The following ELN variants were observed in gnomAD, a reference collection of about 807,000 sequenced individuals.
ELN encodes the protein elastin, also known as tropoelastin.
A neutral mutation model predicts 105.8 loss-of-function variants in ELN; 65 were observed. The ratio of observed to expected loss-of-function variants is 0.61; its 90% CI spans 0.50 to 0.75. The LOEUF is 0.75. ELN is among the 30% of genes least tolerant of loss of function. The pLI, the probability that ELN is intolerant of heterozygous loss-of-function variation, is 0.00. For missense variants in ELN, 882 were observed against 969.4 expected, an observed-to-expected ratio of 0.91 and a Z score of 1.20; for synonymous variants, 368 against 389.2, an observed-to-expected ratio of 0.95 and a Z score of 0.64.
intron 1 of ELN, among the ~76,000 whole-genome samples, chr7:74,030,924 G>A (rs1161370622): frequency 4.6e-5 from 7 of 152,170 alleles, no homozygotes; most frequent in Admixed American, 6.5e-5. Context: ...CGGCATGAGG[G>A]CAAATGTGCC....
At chr7:74,053,560 G>A (rs1432855784) in intron 18 of ELN, among the ~76,000 whole-genome samples, 3 of 152,110 alleles carry the variant, frequency 2.0e-5, no homozygotes, top group East Asian at 1.9e-4. Flanking sequence ...GGCAGGAACC[G>A]TGTCTTTTTC....
At chr7:74,054,464 C>A (rs1437258033) in intron 18 of ELN, among the ~76,000 whole-genome samples, 1 of 148,754 alleles carries the variant, frequency 6.7e-6, no homozygotes, top group Admixed American at 6.7e-5. Flanking sequence ...GATTGAGACT[C>A]CATCTCAAAA....
chr7:74,045,692 A>G (rs1268354304), intron 10 of ELN: 1 of 347,276 alleles, frequency 2.9e-6, no homozygotes. Flanking sequence ...GTCGTGAGCT[A>G]TGATCACACC....
chr7:74,047,546 A>G (rs1394735210), intron 12 of ELN, 129 bp from the exon 13 acceptor site: 6 of 1,296,940 alleles, frequency 4.6e-6, no homozygotes, highest in Non-Finnish European at 5.6e-6. Context: ...CTCTCCTGGG[A>G]GCAGCTCAGG....
Position 74,042,667 on chromosome 7 carries a change from G to T in ELN, c.286G>T (p.Val96Leu). ...TFPGALVPGGVADAAAAYKAA... is the reference protein window; with the variant it reads ...TFPGALVPGGLADAAAAYKAA... ...TCCGGGGGCTCTGGTGCCTGGTGGA[G>T]TGGCTGACGCTGCTGCAGCCTATAA... Residue 96 changes from valine (V) to leucine (L), a missense_variant, in exon 6 of 33, where the codon GTG becomes TTG. By Grantham distance (32) the Val-to-Leu change is conservative (BLOSUM62 1). Transcript: ENST00000252034. The T allele has an allele frequency of 6.2e-7, 1 of 1,613,534 alleles. No homozygotes were observed. The highest frequency in any genetic ancestry group is 8.5e-7 in the Non-Finnish European group (1 of 1,179,986).
intron 5 of ELN, among the ~76,000 whole-genome samples, chr7:74,042,331 G>A (rs1584535054): frequency 6.6e-6 from 1 of 152,210 alleles, no homozygotes; most frequent in South Asian, 2.1e-4. Flanking sequence ...GGAAGGCTGA[G>A]GCGGGAGGAT....
intron 5 of ELN, 23 bp downstream of exon 5, chr7:74,041,274 G>A (rs782152852): frequency 1.9e-6 from 3 of 1,613,678 alleles, no homozygotes; most frequent in Non-Finnish European, 2.5e-6. Flanking sequence ...ACCCAAGAAA[G>A]ATATCCCCTG....
Position 74,063,467 on chromosome 7 carries a change from C to T in ELN, c.1918+98C>T. Reference sequence around the variant, plus strand: ...AGGCACTGTAGACTCAGAGTCCCTGCCCCAGACACCTCCTGGCTCCACTGT... The same window carrying T: ...AGGCACTGTAGACTCAGAGTCCCTGTCCCAGACACCTCCTGGCTCCACTGT... On this transcript the variant is annotated intron_variant, in intron 28 of 32. Transcript: ENST00000252034. This position sits in a 1 kb window ranked among gnomAD's most constrained non-coding sequence, Gnocchi z 4.1. The T allele has an allele frequency of 6.3e-7, 1 of 1,588,988 alleles. No homozygotes were observed. The highest frequency in any genetic ancestry group is 8.5e-7 in the Non-Finnish European group (1 of 1,170,202).
chr7:74,043,859 T>G lies in ELN; in HGVS notation c.428-20T>G, dbSNP rs1280079316. 1 of 1,613,764 alleles carries G rather than the reference T, an allele frequency of 6.2e-7. No individual in the cohort carries two copies. Among genetic ancestry groups the G allele is most frequent in the African/African-American group, 1.3e-5 (1 of 74,904 alleles). On this transcript the variant is annotated intron_variant, in intron 8 of 32. Coordinates refer to ENST00000252034, the MANE Select transcript of ELN (RefSeq NM_000501.4). ...GGAGGCTGAGCTGCTGCTAGTAACT[T>G]TGCTTTCTTTTGGCCACAGGTGTGG...
rs145519139 is a variant in ELN at position 74,042,984 on chromosome 7, G to A, written c.326G>A (p.Gly109Asp). ...TGCCTCACCTGTCCTGGCTCTGCAG[G>A]CGCTGGGCTTGGTGGTGTCCCAGGA... ...AAAAYKAAKAGAGLGGVPGVG... is the reference protein window; with the variant it reads ...AAAAYKAAKADAGLGGVPGVG... The change falls in exon 7 of 33, where the codon GGC (glycine) becomes GAC (aspartate). Residue 109 changes from glycine (G) to aspartate (D), a missense_variant and splice_region_variant. Coordinates refer to ENST00000252034, the MANE Select transcript of ELN (RefSeq NM_000501.4). 662 of 1,614,174 alleles carry A rather than the reference G, an allele frequency of 4.1e-4. No homozygotes were observed. Among genetic ancestry groups the A allele is most frequent in the Non-Finnish European group, 5.0e-4 (592 of 1,180,038 alleles).
At chr7:74,030,353 G>C (rs903723198) in intron 1 of ELN, among the ~76,000 whole-genome samples, 10 of 152,098 alleles carry the variant, frequency 6.6e-5, no homozygotes, top group East Asian at 1.9e-4. Context: ...TTGCGGGGGT[G>C]GGGGAGCAGG....
In ELN at chr7:74,043,121, C is replaced by T. The variant is rs782246803; in HGVS notation, c.380C>T (p.Ala127Val). The part of the protein sequence containing the change: ...GVGGLGVSAG[A>V]VVPQPGAGVK... ...GATGCAGCCCCTTCTGTGCCAGGTG[C>T]GGTGGTTCCTCAGCCTGGAGCCGGA... The change falls in exon 8 of 33, where the codon GCG (alanine) becomes GTG (valine). Residue 127 changes from alanine to valine, a missense_variant. Coordinates refer to ENST00000252034, the MANE Select transcript of ELN (RefSeq NM_000501.4). 16 of 1,613,372 alleles carry T rather than the reference C, an allele frequency of 9.9e-6. No homozygotes were observed. Among genetic ancestry groups the T allele is most frequent in the Admixed American group, 6.7e-5 (4 of 59,812 alleles).
chr7:74,066,558 C>A (rs1393766461), intron 31 of ELN, among the ~76,000 whole-genome samples, 174 bp from the exon 32 acceptor site: 1 of 151,956 alleles, frequency 6.6e-6, no homozygotes, highest in Non-Finnish European at 1.5e-5. Flanking sequence ...CAGAGCAAGA[C>A]CCCATCTCAA....
Position 74,056,282 on chromosome 7 carries a change from G to C in ELN, c.1162G>C (p.Gly388Arg). 3.1e-6 allele frequency: 5 copies of C among 1,614,130 alleles called. No individual in the cohort carries two copies. The highest frequency in any genetic ancestry group is 3.4e-6 in the Non-Finnish European group (4 of 1,180,020). ...AKAAKYGARP[G>R]VGVGGIPTYG... ...CCTTCCCTCTGCAGGGGCCAGGCCCGGAGTCGGAGTTGGAGGCATTCCTAC... is the reference window on the plus strand; with the variant it reads ...CCTTCCCTCTGCAGGGGCCAGGCCCCGAGTCGGAGTTGGAGGCATTCCTAC... Residue 388 changes from glycine to arginine, a missense_variant, in exon 20 of 33, where the codon GGA becomes CGA. Coordinates refer to ENST00000252034, the MANE Select transcript of ELN (RefSeq NM_000501.4).
At position 74,063,132 on chromosome 7, in the gene ELN, T is replaced by C. The variant is rs374427755; in HGVS notation, c.1787-21T>C. 2.5e-6 allele frequency: 4 copies of C among 1,593,828 alleles called. No individual in the cohort carries two copies. Among genetic ancestry groups the C allele is most frequent in the Non-Finnish European group, 3.4e-6 (4 of 1,171,378 alleles). ...CCATCGTTCAGAAATGGAACACTCATTTTCCCTCCTCTCCCCGCAGGAGCA... is the reference window on the plus strand; with the variant it reads ...CCATCGTTCAGAAATGGAACACTCACTTTCCCTCCTCTCCCCGCAGGAGCA... On this transcript the variant is annotated intron_variant, in intron 26 of 32. Transcript: ENST00000252034. This position sits in a 1 kb window ranked among gnomAD's most constrained non-coding sequence, Gnocchi z 4.1.
chr7:74,042,928 C>A, intron 6 of ELN, 56 bp from the exon 7 acceptor site: 1 of 1,613,810 alleles, frequency 6.2e-7, no homozygotes. Context: ...CAGCCCCGGG[C>A]CCTTCTGCCT....
chr7:74,051,755 G>A lies in ELN; in HGVS notation c.805G>A (p.Gly269Arg), dbSNP rs146258103. 11 of 1,614,224 alleles carry A rather than the reference G, an allele frequency of 6.8e-6. No homozygotes were observed. The East Asian group carries it at 2.5e-4, about 36-fold the overall frequency. ...AAKAAAKFGAGAAGVLPGVGG... is the reference protein window; with the variant it reads ...AAKAAAKFGARAAGVLPGVGG... ...CACTGTCCCCATCTCAACAGGTGCT[G>A]GAGCAGCCGGAGTCCTCCCTGGTGT... is the stretch of plus-strand genomic sequence containing the variant. The change falls in exon 16 of 33, where the codon GGA becomes AGA. Residue 269 changes from glycine (G) to arginine (R), a missense_variant. Gly to Arg is a moderately radical substitution (Grantham distance 125). Coordinates refer to ENST00000252034, the MANE Select transcript of ELN (RefSeq NM_000501.4).
At chr7:74,058,994 C>T (rs529455054) in intron 22 of ELN, among the ~76,000 whole-genome samples, 16 of 152,088 alleles carry the variant, frequency 1.1e-4, no homozygotes, top group African/African-American at 1.4e-4. Flanking sequence ...GCCGTCAGCT[C>T]GCCGCAGGCC....
At chr7:74,028,674 A>G (rs1455181525) in intron 1 of ELN, among the ~76,000 whole-genome samples, 4 of 152,114 alleles carry the variant, frequency 2.6e-5, no homozygotes, top group Non-Finnish European at 4.4e-5. Flanking sequence ...AGCCCTGGGG[A>G]CAGGGAACCT....
Sources: gnomAD v4.1 joint callset for allele counts (sites outside exome capture counted in the v4.1 genomes callset) on GRCh38, gnomAD v4.1.1 for gene constraint, Gnocchi (gnomAD v3.1) non-coding constraint, MANE v1.5 for transcripts, NCBI Gene and HGNC (gene_info 2026-07-23, HGNC 2026-07-21) for gene names.